Variants in SHROOM3 observed in about 807,000 individuals in gnomAD.
SHROOM3 encodes protein Shroom3.
Under a neutral mutation model 138.6 loss-of-function variants are expected in SHROOM3, and 47 were observed. That is an observed-to-expected ratio of 0.34 (90% CI 0.27 to 0.43). The LOEUF (loss-of-function observed/expected upper bound fraction) is 0.43. SHROOM3 is among the 20% of genes least tolerant of loss of function. The pLI is 1.00. For synonymous variants in SHROOM3, 1,062 were observed against 1,063.3 expected, an observed-to-expected ratio of 1.00 and a Z score of 0.02; for missense variants, 2,491 against 2,596.5, an observed-to-expected ratio of 0.96 and a Z score of 0.88.
intron 1 of SHROOM3, among the ~76,000 whole-genome samples, chr4:76,511,032 A>C (rs917978383): frequency 2.6e-5 from 4 of 152,046 alleles, no homozygotes; most frequent in Non-Finnish European, 5.9e-5. Context: ...AATACAAAAA[A>C]TTAGCCAAGT....
At chr4:76,646,996 A>G (rs1056532114) in intron 2 of SHROOM3, among the ~76,000 whole-genome samples, 4 of 152,248 alleles carry the variant, frequency 2.6e-5, no homozygotes, top group Non-Finnish European at 4.4e-5. Flanking sequence ...TCACAATAGC[A>G]AGATATGGAA....
rs187359588 is a variant in SHROOM3, at chr4:76,583,951, C to G, written c.323+28188C>G. Reference sequence around the variant, plus strand: ...TGTAAATATCAATGCTTTCCTTATTCATCTCATAATTTGTGAAAGGACAGG... The same window carrying G: ...TGTAAATATCAATGCTTTCCTTATTGATCTCATAATTTGTGAAAGGACAGG... On this transcript the variant is annotated intron_variant, in intron 2 of 10. Transcript: ENST00000296043. Among the ~76,000 whole-genome samples the G allele has an allele frequency of 1.9e-3, 296 of 152,256 alleles. 2 individuals are homozygous for G. Among genetic ancestry groups the G allele is most frequent in the African/African-American group, 6.8e-3 (284 of 41,544 alleles).
At chr4:76,567,585 G>A (rs781705855) in intron 2 of SHROOM3, among the ~76,000 whole-genome samples, 19 of 152,200 alleles carry the variant, frequency 1.2e-4, no homozygotes, top group Non-Finnish European at 1.9e-4. Context: ...GGAAGGCAGA[G>A]GTTGCAGTGA....
At chr4:76,480,394 G>A (rs1014353154) in intron 1 of SHROOM3, among the ~76,000 whole-genome samples, 1 of 151,828 alleles carries the variant, frequency 6.6e-6, no homozygotes, top group East Asian at 1.9e-4. Context: ...AAAGACAAAG[G>A]CATTACATAA....
intron 2 of SHROOM3, among the ~76,000 whole-genome samples, chr4:76,618,384 C>T (rs1292929521): frequency 1.3e-5 from 2 of 152,206 alleles, no homozygotes; most frequent in African/African-American, 4.8e-5. Flanking sequence ...AATGACTATT[C>T]ATTCCTCAAA....
chr4:76,689,571 A>G (rs1278947065), intron 2 of SHROOM3: 2 of 984,596 alleles, frequency 2.0e-6, no homozygotes, highest in Non-Finnish European at 2.4e-6. Flanking sequence ...TGGGCCGCCC[A>G]TTGTTGAGCG....
chr4:76,639,847 T>C (rs1165753882), intron 2 of SHROOM3, among the ~76,000 whole-genome samples: 2 of 152,190 alleles, frequency 1.3e-5, no homozygotes, highest in Non-Finnish European at 2.9e-5. Flanking sequence ...TGATTTTAGG[T>C]TAGACGACGT....
intron 2 of SHROOM3, among the ~76,000 whole-genome samples, chr4:76,652,807 G>A (rs1364921541): frequency 4.0e-5 from 6 of 151,600 alleles, no homozygotes; most frequent in African/African-American, 4.9e-5. Context: ...GTGTGTGTGT[G>A]TATATATATA....
chr4:76,481,087 G>C (rs1451768922), intron 1 of SHROOM3, among the ~76,000 whole-genome samples: 4 of 152,058 alleles, frequency 2.6e-5, no homozygotes, highest in Admixed American at 6.5e-5. Context: ...AGAAGCAAGA[G>C]CAAACAAATT....
At chr4:76,685,734 T>C (rs1373458090) in intron 2 of SHROOM3, among the ~76,000 whole-genome samples, 1 of 152,142 alleles carries the variant, frequency 6.6e-6, no homozygotes, top group Non-Finnish European at 1.5e-5. Context: ...ATCCCAGCAT[T>C]TTGGGAGGCT....
At chr4:76,689,763 G>C in intron 2 of SHROOM3, 7 of 984,862 alleles carry the variant, frequency 7.1e-6, no homozygotes, top group African/African-American at 1.7e-5. Flanking sequence ...CTGCTTTCTG[G>C]AGCGCGTCTA....
At chr4:76,679,119 C>G (rs1719121108) in intron 2 of SHROOM3, among the ~76,000 whole-genome samples, 1 of 152,174 alleles carries the variant, frequency 6.6e-6, no homozygotes, top group South Asian at 2.1e-4. Flanking sequence ...ATGATTCTAC[C>G]AGTCATTAAA....
At chr4:76,710,597 A>G (rs1424894853) in intron 3 of SHROOM3, among the ~76,000 whole-genome samples, 15 of 152,232 alleles carry the variant, frequency 9.9e-5, no homozygotes, top group Non-Finnish European at 1.5e-5. Context: ...TAAAACTACA[A>G]TTTAAAACAT....
chr4:76,474,666 G>C (rs1475895088), intron 1 of SHROOM3, among the ~76,000 whole-genome samples: 1 of 152,164 alleles, frequency 6.6e-6, no homozygotes, highest in African/African-American at 2.4e-5. Context: ...TGTAATCCCA[G>C]CACTTTGGGA....
At chr4:76,547,906 G>A (rs2110024484) in intron 1 of SHROOM3, among the ~76,000 whole-genome samples, 1 of 145,668 alleles carries the variant, frequency 6.9e-6, no homozygotes, top group East Asian at 2.2e-4. Context: ...CTCCAGCCTG[G>A]GTGACAGTGC....
intron 2 of SHROOM3, among the ~76,000 whole-genome samples, chr4:76,636,234 G>A (rs1735490309): frequency 6.6e-6 from 1 of 152,176 alleles, no homozygotes; most frequent in Non-Finnish European, 1.5e-5. Flanking sequence ...TAATTGCCAT[G>A]TGACAAATAT....
intron 3 of SHROOM3, among the ~76,000 whole-genome samples, chr4:76,714,917 G>A (rs1047890291): frequency 8.5e-5 from 13 of 152,084 alleles, no homozygotes; most frequent in Non-Finnish European, 1.2e-4. Flanking sequence ...TTTGGCCATC[G>A]AGAGCTCTTT....
intron 1 of SHROOM3, among the ~76,000 whole-genome samples, chr4:76,550,155 C>A (rs985379690): frequency 2.0e-5 from 3 of 151,988 alleles, no homozygotes; most frequent in Non-Finnish European, 4.4e-5. Flanking sequence ...TTTTTAAGTA[C>A]AATGATATGA....
chr4:76,610,410 T>G (rs1048948557), intron 2 of SHROOM3, among the ~76,000 whole-genome samples: 1 of 152,242 alleles, frequency 6.6e-6, no homozygotes, highest in African/African-American at 2.4e-5. Flanking sequence ...TTTAGCAGAC[T>G]GAGAGTTTTT....
Sources: allele counts gnomAD v4.1 joint callset (sites outside exome capture counted in the v4.1 genomes callset), GRCh38; gene constraint gnomAD v4.1.1; transcripts MANE v1.5; gene names NCBI Gene and HGNC (gene_info 2026-07-23, HGNC 2026-07-21).